CDC42SE2: variants seen among roughly 807,000 people sequenced by gnomAD.
The protein encoded by CDC42SE2 is CDC42 small effector 2.
In CDC42SE2, 3 loss-of-function variants were observed where a neutral mutation model predicts 11.5. That is an observed-to-expected ratio of 0.26 (90% confidence interval 0.12 to 0.67). The LOEUF is 0.67. CDC42SE2 is among the 30% of genes least tolerant of loss of function. The pLI, the probability that CDC42SE2 is intolerant of heterozygous loss-of-function variation, is 0.80. For missense variants in CDC42SE2, 82 were observed against 106.8 expected (o/e 0.77, Z 1.02); for synonymous variants, 33 against 34.8 (o/e 0.95, Z 0.18).
rs35198617 is a variant in CDC42SE2, at chr5:131,363,266, G to GAA, written c.54+3732_54+3733dup. Among the ~76,000 whole-genome samples, 312 of 139,070 alleles carry GAA rather than the reference G, an allele frequency of 2.2e-3. 3 individuals carry two copies. The highest frequency in any genetic ancestry group is 7.6e-3 in the African/African-American group (302 of 39,804). 91.2% of individuals were successfully genotyped at this position (139,070 alleles called of 152,430 possible). A position where few individuals can be genotyped will look rare whatever the true frequency, so the allele number is the denominator to read the frequency against. On this transcript the variant is annotated intron_variant, in intron 3 of 4. Coordinates refer to ENST00000505065, the MANE Select transcript of CDC42SE2 (RefSeq NM_001375635.1). Reference sequence around the variant, plus strand: ...AAAAAACAAGGAACCCTGATTTACAGAAAAAAAAAAAAAAGCCACTTTTCT... The same window carrying GAA: ...AAAAAACAAGGAACCCTGATTTACAGAAAAAAAAAAAAAAAAGCCACTTTTCT...
intron 2 of CDC42SE2, among the ~76,000 whole-genome samples, chr5:131,344,140 T>G (rs529674155): frequency 8.5e-5 from 13 of 152,130 alleles, no homozygotes; most frequent in Non-Finnish European, 1.8e-4. Context: ...CCAACTGAGG[T>G]ACCGGGTTCA....
chr5:131,236,582 C>A, the CDC42SE2 span, among the ~76,000 whole-genome samples: 3 of 152,050 alleles, frequency 2.0e-5, no homozygotes, highest in Non-Finnish European at 4.4e-5. Flanking sequence ...AGTGCACCAT[C>A]AAGGCCAGCT....
chr5:131,284,699 C>T lies in CDC42SE2; in HGVS notation c.-455+20533C>T, dbSNP rs547947009. Among the ~76,000 whole-genome samples, 16 of 152,178 alleles carry T rather than the reference C, an allele frequency of 1.1e-4. No homozygotes were observed. The South Asian group carries it at 2.9e-3, about 28-fold the overall frequency. On this transcript the variant is annotated intron_variant, in intron 1 of 4. Transcript: ENST00000505065. ...CTGTTGCCCAGGTTGGTTGTGAACT[C>T]CTGGGCTCAAGCAATCCTGTGCCTT...
chr5:131,328,597 T>C (rs950779816), intron 2 of CDC42SE2, among the ~76,000 whole-genome samples: 7 of 152,234 alleles, frequency 4.6e-5, no homozygotes, highest in African/African-American at 1.4e-4. Flanking sequence ...CATATACTTA[T>C]ATCTTCCATT....
chr5:131,227,216 A>T, the CDC42SE2 span, among the ~76,000 whole-genome samples: 1 of 151,858 alleles, frequency 6.6e-6, no homozygotes, highest in Non-Finnish European at 1.5e-5. Context: ...GTGAGCTATG[A>T]TTATGCCAAT....
chr5:131,253,822 T>A (rs1756659255), intron 1 of CDC42SE2, among the ~76,000 whole-genome samples: 1 of 152,160 alleles, frequency 6.6e-6, no homozygotes, highest in South Asian at 2.1e-4. Context: ...TCTAGGAAAC[T>A]TTTCTTCCTC....
At chr5:131,283,621 G>A (rs901399675) in intron 1 of CDC42SE2, among the ~76,000 whole-genome samples, 8 of 151,734 alleles carry the variant, frequency 5.3e-5, no homozygotes, top group Non-Finnish European at 1.5e-5. Context: ...AGCCTCCCAA[G>A]TAACTGGGAT....
chr5:131,309,981 T>C (rs1032393087), intron 1 of CDC42SE2, among the ~76,000 whole-genome samples: 41 of 152,206 alleles, frequency 2.7e-4, no homozygotes, highest in Middle Eastern at 3.4e-3. Flanking sequence ...TTTCTTGCCT[T>C]CTTCTAGCTT....
the CDC42SE2 span, among the ~76,000 whole-genome samples, chr5:131,230,362 A>G: frequency 4.6e-5 from 7 of 152,306 alleles, no homozygotes; most frequent in African/African-American, 1.4e-4. Context: ...TTATTAACCA[A>G]TTTTTGAAAA....
chr5:131,321,843 GT>G (rs887311775), intron 2 of CDC42SE2, among the ~76,000 whole-genome samples: 5 of 151,828 alleles, frequency 3.3e-5, no homozygotes, highest in African/African-American at 7.3e-5. Flanking sequence ...CATTAGAAAT[GT>G]TTTTTTTGTT....
chr5:131,214,865 C>T, the CDC42SE2 span, among the ~76,000 whole-genome samples: 1 of 152,196 alleles, frequency 6.6e-6, no homozygotes, highest in African/African-American at 2.4e-5. Context: ...CCAACACTCT[C>T]AGGAGCTAGG....
chr5:131,294,718 G>T (rs931671535), intron 1 of CDC42SE2, among the ~76,000 whole-genome samples: 1 of 152,212 alleles, frequency 6.6e-6, no homozygotes, highest in South Asian at 2.1e-4. Flanking sequence ...ATGGCCGGGC[G>T]TGGTGGCTCA....
chr5:131,388,667 A>G (rs900817587), intron 4 of CDC42SE2, among the ~76,000 whole-genome samples: 4 of 152,248 alleles, frequency 2.6e-5, no homozygotes, highest in Non-Finnish European at 5.9e-5. Context: ...CACAGTCACA[A>G]TAATACATTG....
At chr5:131,212,094 G>GGTTTTTTTCTGTTTTTTT in the CDC42SE2 span, among the ~76,000 whole-genome samples, 1 of 151,696 alleles carries the variant, frequency 6.6e-6, no homozygotes, top group Admixed American at 6.6e-5. Context: ...TGTGTGGCAG[G>GGTTTTTTTCTGTTTTTTT]GTTTTTTTCT....
At chr5:131,236,806 GT>G in the CDC42SE2 span, among the ~76,000 whole-genome samples, 3 of 152,178 alleles carry the variant, frequency 2.0e-5, no homozygotes, top group Admixed American at 2.0e-4. Flanking sequence ...CAAGACTTAA[GT>G]CTGACCTTTA....
chr5:131,370,417 C>T (rs1260169654), intron 3 of CDC42SE2, among the ~76,000 whole-genome samples: 2 of 151,804 alleles, frequency 1.3e-5, no homozygotes, highest in Non-Finnish European at 2.9e-5. Context: ...AGTGGAGTCA[C>T]TATGTGTTCC....
chr5:131,312,676 G>T (rs1005058924), intron 1 of CDC42SE2, among the ~76,000 whole-genome samples: 2 of 152,218 alleles, frequency 1.3e-5, no homozygotes, highest in Non-Finnish European at 2.9e-5. Flanking sequence ...GAAAAGCACA[G>T]TATTTGGGTG....
Position 131,337,144 on chromosome 5 carries a change from T to C in CDC42SE2, c.-286+21000T>C, listed in dbSNP as rs1455930072. On this transcript the variant is annotated intron_variant, in intron 2 of 4. Transcript: ENST00000505065. ...ATGATGGTGACGTACAGATGGGTTT[T>C]TGGTGTGGATGTCCTTTCTGTTTGT... Among the ~76,000 whole-genome samples the C allele has an allele frequency of 3.3e-5, 5 of 152,332 alleles. No homozygotes were observed. In the East Asian group the frequency reaches 9.6e-4, roughly 29 times the overall value.
chr5:131,375,031 CTTTT>C (rs371146670), intron 3 of CDC42SE2, among the ~76,000 whole-genome samples: 6 of 138,632 alleles, frequency 4.3e-5, no homozygotes, highest in African/African-American at 7.9e-5. Context: ...TTCTCCCCTC[CTTTT>C]TTTTTTTTTT....
Sources: gnomAD v4.1 joint callset for allele counts (sites outside exome capture counted in the v4.1 genomes callset) on GRCh38, gnomAD v4.1.1 for gene constraint, MANE v1.5 for transcripts, NCBI Gene and HGNC (gene_info 2026-07-23, HGNC 2026-07-21) for gene names.